The following SPATA1 variants were observed in gnomAD, a reference collection of about 807,000 sequenced individuals.
SPATA1 encodes spermatogenesis-associated protein 1.
SPATA1 carries 57 observed loss-of-function variants against 59.6 expected under a neutral mutation model. That is an observed-to-expected ratio of 0.96 (90% confidence interval 0.77 to 1.19). The LOEUF (loss-of-function observed/expected upper bound fraction) is 1.19. Ranked by LOEUF, SPATA1 falls within the 50% of genes most tolerant of loss-of-function variation. SPATA1 has a pLI of 0.00. For synonymous variants in SPATA1, 147 were observed against 163.9 expected (o/e 0.90, Z 0.79); for missense variants, 448 against 480.7 (o/e 0.93, Z 0.64).
chr1:84,512,950 T>C (rs1682635455), intron 1 of SPATA1, among the ~76,000 whole-genome samples: 1 of 152,244 alleles, frequency 6.6e-6, no homozygotes, highest in Non-Finnish European at 1.5e-5. Flanking sequence ...TTTTTGGTTA[T>C]TGAGATATCA....
chr1:84,528,917 G>C (rs1043843366), intron 6 of SPATA1, among the ~76,000 whole-genome samples: 8 of 152,064 alleles, frequency 5.3e-5, no homozygotes, highest in Non-Finnish European at 1.2e-4. Context: ...AGGTAGTATA[G>C]ATTTCCTCCA....
chr1:84,565,212 TA>T lies in SPATA1; in HGVS notation n.443-638del, dbSNP rs978452874. ...AGACCCTGCTCAAAAAAATAAAAAT[TA>T]AAAAAAAAAACAAAAGAACAAGCAA... is the stretch of plus-strand genomic sequence containing the variant. On this transcript the variant is annotated intron_variant and non_coding_transcript_variant, in intron 4 of 4. Transcript: ENST00000460286. 2.7e-4 allele frequency among the ~76,000 whole-genome samples: 39 copies of T among 142,626 alleles called. No homozygotes were observed. In the East Asian group the frequency reaches 3.4e-3, roughly 13 times the overall value. 93.6% of individuals were successfully genotyped at this position (142,626 alleles called of 152,430 possible).
chr1:84,540,420 C>A (rs1478407407), intron 8 of SPATA1, among the ~76,000 whole-genome samples: 1 of 151,944 alleles, frequency 6.6e-6, no homozygotes, highest in Admixed American at 6.6e-5. Context: ...TGTCCTTCTG[C>A]TTTTGATTTG....
chr1:84,532,762 C>T (rs6690204), intron 6 of SPATA1, 98 bp from the exon 7 acceptor site: 25 of 702,992 alleles, frequency 3.6e-5, no homozygotes, highest in East Asian at 1.6e-4. Flanking sequence ...CTGAAATCTA[C>T]GATAAGATTA....
exon 13 of SPATA1, chr1:84,553,156 A>C (rs932312497): frequency 6.5e-6 from 8 of 1,230,566 alleles, no homozygotes; most frequent in African/African-American, 3.1e-5. Flanking sequence ...ATTTGTAAAA[A>C]AATTTAAATA....
In SPATA1 at chr1:84,563,614, A is replaced by G; in HGVS notation, n.443-2247A>G. On this transcript the variant is annotated intron_variant and non_coding_transcript_variant, in intron 4 of 4. Coordinates refer to the SPATA1 transcript ENST00000460286. ...TAAGCTTTCATAGAAGTAAAAATAAATAATTTTTATCTCAAACTATATTTC... is the reference window on the plus strand; with the variant it reads ...TAAGCTTTCATAGAAGTAAAAATAAGTAATTTTTATCTCAAACTATATTTC... 5.9e-6 allele frequency: 4 copies of G among 674,592 alleles called. No individual in the cohort carries two copies. The South Asian group carries it at 1.5e-4, about 26-fold the overall frequency. 41.8% of individuals were successfully genotyped at this position (674,592 alleles called of 1,614,324 possible). A position where few individuals can be genotyped will look rare whatever the true frequency, so the allele number is the denominator to read the frequency against.
At chr1:84,563,905 C>A (rs762358070) in intron 4 of SPATA1, 30 of 1,443,386 alleles carry the variant, frequency 2.1e-5, no homozygotes, top group African/African-American at 5.8e-5. Context: ...GCTATGCAAC[C>A]GTTCAGAATC....
intron 6 of SPATA1, among the ~76,000 whole-genome samples, chr1:84,532,548 G>A (rs2101970958): frequency 6.6e-6 from 1 of 152,196 alleles, no homozygotes; most frequent in East Asian, 1.9e-4. Flanking sequence ...CCCCGCTCTT[G>A]CAGATTTAGT....
intron 8 of SPATA1, among the ~76,000 whole-genome samples, chr1:84,536,434 G>A (rs1382155122): frequency 6.6e-6 from 1 of 152,164 alleles, no homozygotes; most frequent in African/African-American, 2.4e-5. Context: ...ATGTTAAGAG[G>A]AGATTTATAT....
At chr1:84,564,049 A>G (rs1570472187) in intron 4 of SPATA1, 1 of 173,148 alleles carries the variant, frequency 5.8e-6, no homozygotes, top group East Asian at 1.9e-4. Flanking sequence ...AACATTCAAA[A>G]CAATTAAGAT....
intron 12 of SPATA1, chr1:84,551,062 G>A (rs944488599): frequency 4.1e-6 from 4 of 985,074 alleles, no homozygotes; most frequent in Non-Finnish European, 4.8e-6. Flanking sequence ...GCTTAGTAGA[G>A]GCTTCTGGGC....
chr1:84,551,638 A>G (rs987871834), intron 12 of SPATA1: 3 of 152,156 alleles, frequency 2.0e-5, no homozygotes, highest in East Asian at 3.8e-4. Flanking sequence ...TACAAGCAGC[A>G]TTCTCGAGGC....
chr1:84,559,073 T>C (rs754232587), downstream of SPATA1, among the ~76,000 whole-genome samples: 1 of 152,186 alleles, frequency 6.6e-6, no homozygotes, highest in Non-Finnish European at 1.5e-5. Flanking sequence ...GTACTTTGCT[T>C]TATTGTGCTT....
chr1:84,519,852 T>C (rs1682946612), intron 2 of SPATA1, among the ~76,000 whole-genome samples: 1 of 152,218 alleles, frequency 6.6e-6, no homozygotes, highest in Non-Finnish European at 1.5e-5. Flanking sequence ...TCGAGAATAT[T>C]CATTTAAATG....
chr1:84,557,658 A>G (rs1218706167), downstream of SPATA1, among the ~76,000 whole-genome samples: 1 of 151,708 alleles, frequency 6.6e-6, no homozygotes, highest in African/African-American at 2.4e-5. Context: ...GATCGAGACC[A>G]TCCTGGCTAA....
At chr1:84,538,623 A>G (rs1683798454) in intron 8 of SPATA1, among the ~76,000 whole-genome samples, 1 of 152,112 alleles carries the variant, frequency 6.6e-6, no homozygotes, top group African/African-American at 2.4e-5. Flanking sequence ...CACTTTGTGG[A>G]CCTTTTTTGG....
intron 1 of SPATA1, among the ~76,000 whole-genome samples, chr1:84,515,842 A>G (rs1031118911): frequency 2.6e-5 from 4 of 152,200 alleles, no homozygotes; most frequent in Non-Finnish European, 5.9e-5. Flanking sequence ...AGCCATTTTA[A>G]CTAGCCAAGA....
At chr1:84,547,696 G>A (rs1380378580) in intron 10 of SPATA1, among the ~76,000 whole-genome samples, 1 of 152,156 alleles carries the variant, frequency 6.6e-6, no homozygotes, top group Non-Finnish European at 1.5e-5. Context: ...GAATGACATT[G>A]TGGCATTAAG....
intron 3 of SPATA1, among the ~76,000 whole-genome samples, chr1:84,521,337 A>G (rs1374951403): frequency 2.0e-5 from 3 of 152,228 alleles, no homozygotes; most frequent in African/African-American, 7.2e-5. Context: ...CAAATTCACA[A>G]AAAGACACAT....
Sources: allele counts gnomAD v4.1 joint callset (sites outside exome capture counted in the v4.1 genomes callset), GRCh38; gene constraint gnomAD v4.1.1; transcripts MANE v1.5; gene names NCBI Gene and HGNC (gene_info 2026-07-23, HGNC 2026-07-21).